The following COPG1 variants were observed in gnomAD, a reference collection of about 807,000 sequenced individuals.
The protein encoded by COPG1 is coatomer subunit gamma-1.
A neutral mutation model predicts 102.8 loss-of-function variants in COPG1; 29 were observed. The observed-to-expected ratio is 0.28, with a 90% confidence interval of 0.21 to 0.38. COPG1 has a LOEUF of 0.38. Among genes scored for constraint, COPG1 ranks in the 10% least tolerant of loss-of-function variants. The pLI, the probability that COPG1 is intolerant of heterozygous loss-of-function variation, is 1.00. For synonymous variants in COPG1, 406 were observed against 421.6 expected (o/e 0.96, Z 0.45); for missense variants, 875 against 1,132.7 (o/e 0.77, Z 3.27).
At chr3:129,266,482 G>A (rs1007101154) in intron 14 of COPG1, among the ~76,000 whole-genome samples, 16 of 151,926 alleles carry the variant, frequency 1.1e-4, no homozygotes, top group African/African-American at 3.9e-4. Flanking sequence ...AAAACAAAAA[G>A]CTTTGTTGAG....
rs370174152 is a variant in COPG1, at chr3:129,250,756, C to T, written c.90+22C>T. On this transcript the variant is annotated intron_variant, in intron 2 of 23. Coordinates refer to ENST00000314797, the MANE Select transcript of COPG1 (RefSeq NM_016128.4). ...GGAGGCAAGTGACATTTGCTCCCCT[C>T]TAGCTTCCATCATAAATATTCACCA... The T allele has an allele frequency of 1.8e-5, 29 of 1,604,926 alleles. No individual in the cohort carries two copies. In the African/African-American group the frequency reaches 3.9e-4, roughly 21 times the overall value.
intron 4 of COPG1, 49 bp from the exon 5 acceptor site, chr3:129,252,826 TG>T (rs1939727749): frequency 6.3e-7 from 1 of 1,591,284 alleles, no homozygotes; most frequent in East Asian, 2.2e-5. Flanking sequence ...CTCCCAACTC[TG>T]GCCCTTGGTG....
At chr3:129,266,354 C>T (rs1940060179) in intron 14 of COPG1, among the ~76,000 whole-genome samples, 1 of 151,996 alleles carries the variant, frequency 6.6e-6, no homozygotes, top group African/African-American at 2.4e-5. Flanking sequence ...GTCACGAACT[C>T]CTGGGCTCAA....
chr3:129,250,659 T>C (rs765031291), intron 1 of COPG1, 23 bp from the exon 2 acceptor site: 1 of 1,609,158 alleles, frequency 6.2e-7, no homozygotes, highest in Non-Finnish European at 8.5e-7. Context: ...ACAACCTACC[T>C]TCTCCATTGT....
intron 8 of COPG1, among the ~76,000 whole-genome samples, chr3:129,256,785 TG>T (rs1939819217): frequency 6.6e-6 from 1 of 152,244 alleles, no homozygotes; most frequent in Non-Finnish European, 1.5e-5. Flanking sequence ...GGGCCAGCTG[TG>T]GCCCCTCAAA....
At position 129,275,370 on chromosome 3, in the gene COPG1, A is replaced by G; in HGVS notation, c.2494+78A>G. 9.5e-7 allele frequency: 1 copy of G among 1,049,634 alleles called. No homozygotes were observed. Among genetic ancestry groups the G allele is most frequent in the African/African-American group, 1.6e-5 (1 of 63,416 alleles). The allele number at this position is 1,049,634 out of a possible 1,614,324, so 65.0% of individuals were successfully genotyped here. ...CACTGGATCCTGGGCTAAGGACTCC[A>G]CTGTAAATATGGGGAGTCAAAATTC... On this transcript the variant is annotated intron_variant, in intron 23 of 23. Coordinates refer to ENST00000314797, the MANE Select transcript of COPG1 (RefSeq NM_016128.4). The surrounding 1 kb of genome is among the most constrained non-coding windows in gnomAD (Gnocchi z 5.0).
At chr3:129,264,525 C>T (rs1940012416) in intron 13 of COPG1, among the ~76,000 whole-genome samples, 1 of 152,138 alleles carries the variant, frequency 6.6e-6, no homozygotes, top group African/African-American at 2.4e-5. Context: ...CCAGAGTGGC[C>T]CATGGACTAG....
intron 14 of COPG1, 68 bp downstream of exon 14, chr3:129,265,860 C>A: frequency 6.6e-7 from 1 of 1,522,388 alleles, no homozygotes; most frequent in Non-Finnish European, 8.9e-7. Context: ...AGCAAAGGGA[C>A]CTGAGCCTCC....
At chr3:129,272,080 C>T (rs1176123510) in intron 19 of COPG1, 164 bp from the exon 20 acceptor site, 23 of 975,424 alleles carry the variant, frequency 2.4e-5, no homozygotes, top group Non-Finnish European at 2.9e-5. Context: ...CTCGGGACAT[C>T]CATGGCTCCC....
Position 129,260,705 on chromosome 3 carries a change from G to T in COPG1, c.1026G>T (p.Thr342=), listed in dbSNP as rs780636747. The T allele has an allele frequency of 1.9e-6, 3 of 1,613,850 alleles. No homozygotes were observed. Among genetic ancestry groups the T allele is most frequent in the Non-Finnish European group, 1.7e-6 (2 of 1,180,034 alleles). The change falls in exon 12 of 24, where the codon ACG becomes ACT. Residue 342 remains threonine, a synonymous_variant. Coordinates refer to ENST00000314797, the MANE Select transcript of COPG1 (RefSeq NM_016128.4). ...LVTDSNRSIA[T]LAITTLLKTG... is the part of the protein sequence containing the mutation. ...CAGATTCAAACCGCAGCATTGCCAC[G>T]CTGGCCATCACCACCCTCCTTAAGA... is the stretch of plus-strand genomic sequence containing the variant.
At chr3:129,259,952 G>A (rs1364812589) in intron 10 of COPG1, among the ~76,000 whole-genome samples, 1 of 152,200 alleles carries the variant, frequency 6.6e-6, no homozygotes, top group Non-Finnish European at 1.5e-5. Flanking sequence ...TTTAATCTTG[G>A]TTCTGCCACT....
chr3:129,251,794 TCTC>T (rs1393262037), intron 2 of COPG1, among the ~76,000 whole-genome samples: 2 of 151,798 alleles, frequency 1.3e-5, no homozygotes, highest in African/African-American at 2.4e-5. Context: ...TTCCAGCAAT[TCTC>T]CTGCCTCGGC....
In COPG1 at chr3:129,267,953, G is replaced by A. The variant is rs765941842; in HGVS notation, c.1561G>A (p.Asp521Asn). The A allele has an allele frequency of 3.1e-6, 5 of 1,614,020 alleles. No individual in the cohort carries two copies. Among genetic ancestry groups the A allele is most frequent in the Non-Finnish European group, 4.2e-6 (5 of 1,179,956 alleles). ...TGGCTGCAGGTGTGTGATGGATGATGACAATGAAGTAAGGGACCGAGCCAC... is the reference window on the plus strand; with the variant it reads ...TGGCTGCAGGTGTGTGATGGATGATAACAATGAAGTAAGGGACCGAGCCAC... ...VLLKRCVMDD[D>N]NEVRDRATFY... Residue 521 changes from aspartate to asparagine, a missense_variant, in exon 16 of 24, where the codon GAC (aspartate) becomes AAC (asparagine). By Grantham distance (23) the Asp-to-Asn change is conservative. Coordinates refer to ENST00000314797, the MANE Select transcript of COPG1 (RefSeq NM_016128.4).
chr3:129,272,261 A>C lies in COPG1; in HGVS notation c.2004A>C (p.Thr668=). Residue 668 remains threonine, a synonymous_variant, in exon 20 of 24, where the codon ACA becomes ACC. Coordinates refer to ENST00000314797, the MANE Select transcript of COPG1 (RefSeq NM_016128.4). ...HMVFQFDCTN[T]LNDQTLENVT... ...CTGTTCAGTTTGACTGCACAAACACACTCAATGACCAGACCTTGGAGAATG... is the reference window on the plus strand; with the variant it reads ...CTGTTCAGTTTGACTGCACAAACACCCTCAATGACCAGACCTTGGAGAATG... The C allele has an allele frequency of 6.2e-7, 1 of 1,614,014 alleles. No individual in the cohort carries two copies.
intron 12 of COPG1, among the ~76,000 whole-genome samples, chr3:129,261,529 G>A (rs1278675593): frequency 3.3e-5 from 5 of 152,152 alleles, no homozygotes; most frequent in African/African-American, 1.2e-4. Context: ...GCAGGAGGAA[G>A]GATGTGAATA....
At chr3:129,254,851 G>A in intron 6 of COPG1, 108 bp downstream of exon 6, 1 of 1,206,068 alleles carries the variant, frequency 8.3e-7, no homozygotes, top group Non-Finnish European at 1.2e-6. Flanking sequence ...GTGATGTGGG[G>A]TGGAGGCAGT....
At chr3:129,255,913 T>C (rs1026077869) in intron 7 of COPG1, among the ~76,000 whole-genome samples, 155 bp from the exon 8 acceptor site, 2 of 151,222 alleles carry the variant, frequency 1.3e-5, no homozygotes, top group Non-Finnish European at 3.0e-5. Flanking sequence ...GGGAGGGACA[T>C]TGAGGGTGGG....
Position 129,265,767 on chromosome 3 carries a change from C to G in COPG1, c.1443C>G (p.Val481=), listed in dbSNP as rs1940045450. 6.2e-7 allele frequency: 1 copy of G among 1,614,084 alleles called. No homozygotes were observed. The highest frequency in any genetic ancestry group is 8.5e-7 in the Non-Finnish European group (1 of 1,180,014). Residue 481 remains valine (V), a synonymous_variant, in exon 14 of 24, where the codon GTC becomes GTG. Coordinates refer to ENST00000314797, the MANE Select transcript of COPG1 (RefSeq NM_016128.4). ...TCCGCTTCATCTATAACCGAGTGGT[C>G]TTGGAGCATGAGGAGGTCCGGGCAG... is the stretch of plus-strand genomic sequence containing the variant. ...KYIRFIYNRV[V]LEHEEVRAGA...
intron 14 of COPG1, among the ~76,000 whole-genome samples, chr3:129,266,399 G>A (rs1192789925): frequency 1.3e-5 from 2 of 151,908 alleles, no homozygotes; most frequent in African/African-American, 4.8e-5. Context: ...AAAGTGCTGG[G>A]ATTACAGAGC....
Sources: allele counts gnomAD v4.1 joint callset (sites outside exome capture counted in the v4.1 genomes callset), GRCh38; gene constraint gnomAD v4.1.1; non-coding constraint Gnocchi (gnomAD v3.1); transcripts MANE v1.5; gene names NCBI Gene and HGNC (gene_info 2026-07-23, HGNC 2026-07-21).